The following ARAP3 variants were observed in gnomAD, a reference collection of about 807,000 sequenced individuals.
ARAP3 encodes the protein arf-GAP with Rho-GAP domain, ANK repeat and PH domain-containing protein 3.
ARAP3 carries 82 observed loss-of-function variants against 169.2 expected under a neutral mutation model. The observed-to-expected ratio is 0.48, with a 90% CI of 0.41 to 0.58. The LOEUF is 0.58. ARAP3 is among the 20% of genes least tolerant of loss of function. The pLI is 0.00. For missense variants in ARAP3, 1,764 were observed against 2,018.0 expected (o/e 0.87, Z 2.41); for synonymous variants, 791 against 800.3 (o/e 0.99, Z 0.20).
In ARAP3 at chr5:141,673,587, T is replaced by C. The variant is rs1009732794; in HGVS notation, c.902+18A>G. On this transcript the variant is annotated intron_variant, in intron 5 of 32. Transcript: ENST00000239440. ...CCCAGCCTCTCTTTTCTCCCTCCCTTCCCCTCCCAGCACCCACCCCTGAGG... is the reference window on the plus strand; with the variant it reads ...CCCAGCCTCTCTTTTCTCCCTCCCTCCCCCTCCCAGCACCCACCCCTGAGG... 8.1e-6 allele frequency: 13 copies of C among 1,612,384 alleles called. No individual in the cohort carries two copies. In the Admixed American group the frequency reaches 1.7e-4, roughly 21 times the overall value.
At position 141,672,644 on chromosome 5, in the gene ARAP3, G is replaced by A. The variant is rs1475778559; in HGVS notation, c.1293C>T (p.Gly431=). Residue 431 remains glycine (G), a synonymous_variant, in exon 9 of 33, where the codon GGC becomes GGT. Coordinates refer to ENST00000239440, the MANE Select transcript of ARAP3 (RefSeq NM_022481.6). The surrounding 1 kb of genome is among the most constrained non-coding windows in gnomAD (Gnocchi z 4.9). ...LYKSEQAFSL[G]IGICFIELQG... ...GCAGTTCGATGAAGCAGATCCCGATGCCCAGAGAGAAGGCCTGGTGGGGTC... is the reference window on the plus strand; with the variant it reads ...GCAGTTCGATGAAGCAGATCCCGATACCCAGAGAGAAGGCCTGGTGGGGTC... The A allele has an allele frequency of 3.1e-6, 5 of 1,613,710 alleles. No homozygotes were observed. Among genetic ancestry groups the A allele is most frequent in the Admixed American group, 3.3e-5 (2 of 59,960 alleles).
rs2099910471 is a variant in ARAP3 at position 141,665,196 on chromosome 5, C to A, written c.2637-111G>T. 2.6e-6 allele frequency: 4 copies of A among 1,565,440 alleles called. No individual in the cohort carries two copies. The Admixed American group carries it at 5.4e-5, about 21-fold the overall frequency. Reference sequence around the variant, plus strand: ...GCAGCAACACCCAACCCAAATCATCCTGGAGCAAGGGAAGAAACTTTGAGG... The same window carrying A: ...GCAGCAACACCCAACCCAAATCATCATGGAGCAAGGGAAGAAACTTTGAGG... On this transcript the variant is annotated intron_variant, in intron 18 of 32. Coordinates refer to ENST00000239440, the MANE Select transcript of ARAP3 (RefSeq NM_022481.6).
In ARAP3 at chr5:141,672,037, G is replaced by A. The variant is rs1031916276; in HGVS notation, c.1586-57C>T. ...TGAGGGTGTGAGGGGCATGTGGCAC[G>A]GGTACCCTGAGCCCTCTAGTCCCAG... On this transcript the variant is annotated intron_variant, in intron 10 of 32. Transcript: ENST00000239440. This position sits in a 1 kb window ranked among gnomAD's most constrained non-coding sequence, Gnocchi z 4.9. 4.0e-5 allele frequency: 65 copies of A among 1,613,770 alleles called. No homozygotes were observed. The South Asian group carries it at 4.9e-4, about 12-fold the overall frequency.
At chr5:141,667,097 A>G (rs1263148546) in intron 16 of ARAP3, among the ~76,000 whole-genome samples, 1 of 151,924 alleles carries the variant, frequency 6.6e-6, no homozygotes, top group East Asian at 1.9e-4. Context: ...CTTTTTTTGT[A>G]GAGATAGGGT....
At position 141,655,770 on chromosome 5, in the gene ARAP3, G is replaced by A. The variant is rs62380783; in HGVS notation, c.3973-12C>T. On this transcript the variant is annotated splice_polypyrimidine_tract_variant and intron_variant, in intron 30 of 32. Coordinates refer to ENST00000239440, the MANE Select transcript of ARAP3 (RefSeq NM_022481.6). ...TGCTGGTCATCGTGCTGGTGGGAGC[G>A]TGAGGGGTTGGCATCAGTGGGCATG... is the stretch of plus-strand genomic sequence containing the variant. 1,301 of 1,614,164 alleles carry A rather than the reference G, an allele frequency of 8.1e-4. No homozygotes were observed. The highest frequency in any genetic ancestry group is 1.0e-3 in the Non-Finnish European group (1,202 of 1,180,014).
chr5:141,659,764 T>C lies in ARAP3; in HGVS notation c.3267+15A>G. 6.2e-7 allele frequency: 1 copy of C among 1,605,442 alleles called. No homozygotes were observed. The highest frequency in any genetic ancestry group is 1.1e-5 in the South Asian group (1 of 90,512). The stretch of plus-strand genomic sequence containing the variant: ...GGGGAAAGGGGTTGTGGGTTAGGGG[T>C]CAGGAAAGCCTTACATCAAAGACAG... On this transcript the variant is annotated intron_variant, in intron 22 of 32. Coordinates refer to ENST00000239440, the MANE Select transcript of ARAP3 (RefSeq NM_022481.6).
Position 141,669,773 on chromosome 5 carries a change from C to T in ARAP3, c.2288G>A (p.Arg763Lys), listed in dbSNP as rs138870799. 1 of 1,614,148 alleles carries T rather than the reference C, an allele frequency of 6.2e-7. No homozygotes were observed. Among genetic ancestry groups the T allele is most frequent in the South Asian group, 1.1e-5 (1 of 91,080 alleles). The change falls in exon 16 of 33, where the codon AGG becomes AAG. Residue 763 changes from arginine to lysine, a missense_variant. Around this residue, in one of 3 missense-constraint regions of ARAP3, gnomAD observed 1,112 missense variants for 1,285.7 expected, o/e 0.86. Transcript: ENST00000239440. ...TCCATCTGTGCCAAAATGCTGGATC[C>T]TCCCCCCAGCGAGGATGAGCTCAAA... ...FSFELILAGG[R>K]IQHFGTDGAD...
At chr5:141,656,462 A>G in intron 27 of ARAP3, 42 bp downstream of exon 27, 1 of 1,599,280 alleles carries the variant, frequency 6.3e-7, no homozygotes, top group Non-Finnish European at 8.5e-7. Flanking sequence ...GCTCCTCTCC[A>G]TGGCCACCCA....
At position 141,665,039 on chromosome 5, in the gene ARAP3, T is replaced by C. The variant is rs1006893306; in HGVS notation, c.2683A>G (p.Asn895Asp). Residue 895 changes from asparagine (N) to aspartate (D), a missense_variant, in exon 19 of 33, where the codon AAC becomes GAC. By Grantham distance (23) the Asn-to-Asp change is conservative. Coordinates refer to ENST00000239440, the MANE Select transcript of ARAP3 (RefSeq NM_022481.6). ...CCAGCCGCGCCCCCAATGGCTGCGT[T>C]CCATGCCGTGAAGTCCAGCCGGCCC... Reference protein sequence around the residue: ...GEGRLDFTAWNAAIGGAAGGG... With the variant: ...GEGRLDFTAWDAAIGGAAGGG... The C allele has an allele frequency of 7.4e-6, 12 of 1,613,954 alleles. No homozygotes were observed. Among genetic ancestry groups the C allele is most frequent in the Non-Finnish European group, 9.3e-6 (11 of 1,179,952 alleles).
chr5:141,671,319 C>T lies in ARAP3; in HGVS notation c.1936G>A (p.Glu646Lys). ...LLCVEAFEGE[E>K]PWFPPAPDGS... ...TCAGGGGCTGGGGGGAACCAGGGCT[C>T]CTCGCCTTCAAAGGCCTCAACACAG... The change falls in exon 13 of 33, where the codon GAG (glutamate) becomes AAG (lysine). Residue 646 changes from glutamate to lysine, a missense_variant. Coordinates refer to ENST00000239440, the MANE Select transcript of ARAP3 (RefSeq NM_022481.6). The surrounding 1 kb of genome is among the most constrained non-coding windows in gnomAD (Gnocchi z 4.9). 2 of 1,613,694 alleles carry T rather than the reference C, an allele frequency of 1.2e-6. No individual in the cohort carries two copies. The highest frequency in any genetic ancestry group is 8.5e-7 in the Non-Finnish European group (1 of 1,179,828).
chr5:141,666,604 C>T lies in ARAP3; in HGVS notation c.2392G>A (p.Gly798Arg), dbSNP rs539893395. 148 of 1,481,548 alleles carry T rather than the reference C, an allele frequency of 1.0e-4. No homozygotes were observed. The highest frequency in any genetic ancestry group is 1.2e-4 in the Non-Finnish European group (133 of 1,111,966). The allele number at this position is 1,481,548 out of a possible 1,614,324, so 91.8% of individuals were successfully genotyped here. A position where few individuals can be genotyped will look rare whatever the true frequency, so the allele number is the denominator to read the frequency against. Residue 798 changes from glycine to arginine, a missense_variant, in exon 17 of 33, where the codon GGG (glycine) becomes AGG (arginine). Physicochemically the swap from Gly to Arg is moderately radical, Grantham distance 125 (BLOSUM62 -2). Coordinates refer to ENST00000239440, the MANE Select transcript of ARAP3 (RefSeq NM_022481.6). ...CATAGGCGGCCCAGCCGCAGCAGCCCGGGGCCCAGCAGCTGGTGGCAGCTC... is the reference window on the plus strand; with the variant it reads ...CATAGGCGGCCCAGCCGCAGCAGCCTGGGGCCCAGCAGCTGGTGGCAGCTC... Reference protein sequence around the residue: ...PLSCHQLLGPGLLRLGRLWLR... With the variant: ...PLSCHQLLGPRLLRLGRLWLR...
Position 141,661,804 on chromosome 5 carries a change from G to C in ARAP3, c.3014-15C>G, listed in dbSNP as rs575250722. The C allele has an allele frequency of 6.2e-7, 1 of 1,613,758 alleles. No individual in the cohort carries two copies. The highest frequency in any genetic ancestry group is 8.5e-7 in the Non-Finnish European group (1 of 1,179,652). On this transcript the variant is annotated splice_polypyrimidine_tract_variant and intron_variant, in intron 20 of 32. Coordinates refer to ENST00000239440, the MANE Select transcript of ARAP3 (RefSeq NM_022481.6). ...CTGGGGCAGCTCTGGGGATGGAATGGAGGAGGGTTGGGGAGGACCCGGGAA... is the reference window on the plus strand; with the variant it reads ...CTGGGGCAGCTCTGGGGATGGAATGCAGGAGGGTTGGGGAGGACCCGGGAA...
At chr5:141,673,314 C>A (rs571099931) in intron 6 of ARAP3, 87 bp downstream of exon 6, 716 of 1,584,804 alleles carry the variant, frequency 4.5e-4, no homozygotes, top group Non-Finnish European at 5.9e-4. Flanking sequence ...CCCACACACA[C>A]AATGGACTTC....
Position 141,664,621 on chromosome 5 carries a change from T to C in ARAP3, c.2800+301A>G, listed in dbSNP as rs1485343389. The stretch of plus-strand genomic sequence containing the variant: ...CTACTCCACACTCTGACGAAACTTC[T>C]GAACACTTACTACATGCCAGGCCCT... On this transcript the variant is annotated intron_variant, in intron 19 of 32. Coordinates refer to ENST00000239440, the MANE Select transcript of ARAP3 (RefSeq NM_022481.6). Among the ~76,000 whole-genome samples the C allele has an allele frequency of 1.3e-5, 2 of 152,184 alleles. 1 individual carries two copies. The highest frequency in any genetic ancestry group is 3.9e-4 in the East Asian group (2 of 5,192).
At chr5:141,655,523 A>T in intron 31 of ARAP3, 98 bp downstream of exon 31, 2 of 1,597,252 alleles carry the variant, frequency 1.3e-6, no homozygotes, top group Non-Finnish European at 1.7e-6. Context: ...GACAGTGAGC[A>T]TAGGGTGGCA....
chr5:141,663,691 G>A (rs963696602), intron 19 of ARAP3, among the ~76,000 whole-genome samples: 1 of 152,200 alleles, frequency 6.6e-6, no homozygotes, highest in Non-Finnish European at 1.5e-5. Context: ...GAGTGGGGGA[G>A]GTCACTGAAC....
Position 141,665,380 on chromosome 5 carries a change from A to T in ARAP3, c.2573-6T>A, listed in dbSNP as rs1014144181. The T allele has an allele frequency of 3.7e-6, 6 of 1,614,012 alleles. No homozygotes were observed. Among genetic ancestry groups the T allele is most frequent in the African/African-American group, 1.3e-5 (1 of 74,938 alleles). ...GTCAGCTGCAGAAACCACACCTGGG[A>T]GGAGAATCAGTGGACATTTTCATGA... On this transcript the variant is annotated splice_region_variant and splice_polypyrimidine_tract_variant and intron_variant, in intron 17 of 32. Transcript: ENST00000239440.
Position 141,661,705 on chromosome 5 carries a change from G to A in ARAP3, c.3098C>T (p.Thr1033Ile), listed in dbSNP as rs760968878. ...TGACCGATAGAGATGCCCAATGAGG[G>A]TGGCCAGTGTGCGGCGGTTGACCCG... ...LPRVNRRTLA[T>I]LIGHLYRVQK... The change falls in exon 21 of 33, where the codon ACC becomes ATC. Residue 1033 changes from threonine (T) to isoleucine (I), a missense_variant. By Grantham distance (89) the Thr-to-Ile change is moderately conservative. This residue lies in a region of ARAP3 where 1,112 missense variants were observed against 1,285.7 expected (regional missense o/e 0.86). Transcript: ENST00000239440. 4 of 1,614,250 alleles carry A rather than the reference G, an allele frequency of 2.5e-6. No individual in the cohort carries two copies. The South Asian group carries it at 3.3e-5, about 13-fold the overall frequency.
chr5:141,660,986 G>A (rs980911805), intron 21 of ARAP3, among the ~76,000 whole-genome samples: 12 of 151,884 alleles, frequency 7.9e-5, no homozygotes, highest in Non-Finnish European at 1.6e-4. Context: ...ATGACATGCC[G>A]GATGTACTGG....
Sources: gnomAD v4.1 joint callset for allele counts (sites outside exome capture counted in the v4.1 genomes callset) on GRCh38, gnomAD v4.1.1 for gene constraint, gnomAD v4.1.1 regional missense constraint, Gnocchi (gnomAD v3.1) non-coding constraint, MANE v1.5 for transcripts, NCBI Gene and HGNC (gene_info 2026-07-23, HGNC 2026-07-21) for gene names.